The following PCDHA7 variants were observed in gnomAD, a reference collection of about 807,000 sequenced individuals.
PCDHA7 encodes protocadherin alpha-7.
Under a neutral mutation model 57.2 loss-of-function variants are expected in PCDHA7, and 37 were observed. The ratio of observed to expected loss-of-function variants is 0.65; its 90% CI spans 0.50 to 0.85. The LOEUF (loss-of-function observed/expected upper bound fraction) is 0.85, where lower values mean the gene tolerates loss of function less well. Among genes scored for constraint, PCDHA7 ranks in the 40% least tolerant of loss-of-function variants. The pLI is 0.00. For synonymous variants in PCDHA7, 553 were observed against 558.8 expected (o/e 0.99, Z 0.15); for missense variants, 1,188 against 1,241.8 (o/e 0.96, Z 0.65).
chr5:140,868,121 C>T (rs920378220), intron 1 of PCDHA7: 1 of 151,814 alleles, frequency 6.6e-6, no homozygotes, highest in Non-Finnish European at 1.5e-5. Flanking sequence ...AGTTGAAAAG[C>T]CTATTTCTGT....
chr5:140,928,172 C>T (rs782267454), intron 1 of PCDHA7: 1 of 1,614,200 alleles, frequency 6.2e-7, no homozygotes, highest in South Asian at 1.1e-5. Flanking sequence ...CCACTTAGCA[C>T]CCGAAGGACA....
At chr5:140,934,636 G>A (rs782329021) in intron 1 of PCDHA7, among the ~76,000 whole-genome samples, 17 of 151,974 alleles carry the variant, frequency 1.1e-4, no homozygotes, top group Non-Finnish European at 1.9e-4. Flanking sequence ...CACAGGAAAG[G>A]CAGGATAAAT....
intron 1 of PCDHA7, chr5:140,967,256 G>T: frequency 6.2e-7 from 1 of 1,613,524 alleles, no homozygotes; most frequent in Non-Finnish European, 8.5e-7. Flanking sequence ...GGTGGCGCCT[G>T]GAGCGCGCTT....
chr5:140,988,739 G>A (rs2097310931), intron 3 of PCDHA7, among the ~76,000 whole-genome samples: 1 of 152,096 alleles, frequency 6.6e-6, no homozygotes, highest in Non-Finnish European at 1.5e-5. Flanking sequence ...AATTATTCTA[G>A]GATTGGTGGC....
At position 140,836,158 on chromosome 5, in the gene PCDHA7, C is replaced by G; in HGVS notation, c.1775C>G (p.Ala592Gly). 6.2e-7 allele frequency: 1 copy of G among 1,613,784 alleles called. No homozygotes were observed. Among genetic ancestry groups the G allele is most frequent in the Non-Finnish European group, 8.5e-7 (1 of 1,179,788 alleles). Residue 592 changes from alanine to glycine, a missense_variant, in exon 1 of 4, where the codon GCG becomes GGG. This residue lies in a region of PCDHA7 where 892 missense variants were observed against 788.5 expected (regional missense o/e 1.13). Transcript: ENST00000525929. ...TCTGTGGGCGCGGGCCATGTGGTGG[C>G]GAAGGTACGTGCAGTTGACGCTGAC... ...PRSVGAGHVV[A>G]KVRAVDADSG...
intron 1 of PCDHA7, chr5:140,869,216 A>C: frequency 6.2e-7 from 1 of 1,613,836 alleles, no homozygotes; most frequent in South Asian, 1.1e-5. Flanking sequence ...GTCTCGGAGG[A>C]GGCCAAACAC....
Position 140,838,077 on chromosome 5 carries a change from AGTGTGTGTGTGTGTG to A in PCDHA7, c.2355+1340_2355+1354del, listed in dbSNP as rs1775482926. Among the ~76,000 whole-genome samples, 4 of 80,664 alleles carry A rather than the reference AGTGTGTGTGTGTGTG, an allele frequency of 5.0e-5. 1 individual carries two copies. Among genetic ancestry groups the A allele is most frequent in the African/African-American group, 2.5e-4 (4 of 16,244 alleles). The allele number at this position is 80,664 out of a possible 152,430, so 52.9% of individuals were successfully genotyped here. On this transcript the variant is annotated intron_variant, in intron 1 of 3. Transcript: ENST00000525929. ...TTTCCACTTTAAGTTATATATATATAGTGTGTGTGTGTGTGTGTGTGTGTGTGTGTGTGTGTGTGT... is the reference window on the plus strand; with the variant it reads ...TTTCCACTTTAAGTTATATATATATATGTGTGTGTGTGTGTGTGTGTGTGT...
intron 1 of PCDHA7, among the ~76,000 whole-genome samples, chr5:140,917,358 C>T (rs2153543502): frequency 6.7e-6 from 1 of 149,798 alleles, no homozygotes; most frequent in East Asian, 1.9e-4. Flanking sequence ...GCTTCTGTTC[C>T]ACTATCTTGC....
chr5:140,929,713 G>A (rs1328262633), intron 1 of PCDHA7: 3 of 235,294 alleles, frequency 1.3e-5, no homozygotes, highest in Non-Finnish European at 2.6e-5. Flanking sequence ...TAATATGGAA[G>A]GTGAAACATT....
chr5:140,885,430 A>T (rs1216159578), intron 1 of PCDHA7, among the ~76,000 whole-genome samples: 2 of 152,132 alleles, frequency 1.3e-5, no homozygotes, highest in African/African-American at 4.8e-5. Context: ...CCACAGTGTA[A>T]GTGTGCAATT....
At chr5:140,934,365 A>T (rs2089794268) in intron 1 of PCDHA7, among the ~76,000 whole-genome samples, 1 of 151,884 alleles carries the variant, frequency 6.6e-6, no homozygotes, top group Non-Finnish European at 1.5e-5. Context: ...CACTGCTTTG[A>T]CTCCTTCTGT....
At chr5:140,875,773 G>C in intron 1 of PCDHA7, 1 of 1,614,268 alleles carries the variant, frequency 6.2e-7, no homozygotes, top group Non-Finnish European at 8.5e-7. Context: ...GCGGAGCGCG[G>C]AGTGCAGTAT....
At chr5:140,898,712 T>C (rs1219344656) in intron 1 of PCDHA7, among the ~76,000 whole-genome samples, 2 of 152,206 alleles carry the variant, frequency 1.3e-5, no homozygotes, top group African/African-American at 4.8e-5. Flanking sequence ...AGTAGTTTTT[T>C]CCAATTCTGT....
intron 1 of PCDHA7, chr5:140,881,180 T>C: frequency 6.0e-6 from 1 of 167,460 alleles, no homozygotes; most frequent in Non-Finnish European, 1.2e-5. Context: ...TTTTCCTTGC[T>C]AAAGATATGT....
At chr5:140,876,398 A>G (rs782094508) in intron 1 of PCDHA7, 1 of 1,613,962 alleles carries the variant, frequency 6.2e-7, no homozygotes, top group Non-Finnish European at 8.5e-7. Context: ...GGTGAACTGG[A>G]TTTTGAAGAG....
At chr5:140,836,936 A>C in intron 1 of PCDHA7, 198 bp downstream of exon 1, 1 of 476,206 alleles carries the variant, frequency 2.1e-6, no homozygotes, top group Non-Finnish European at 3.6e-6. Context: ...GTAATACTAT[A>C]GATCAAAATC....
intron 1 of PCDHA7, among the ~76,000 whole-genome samples, chr5:140,879,326 T>C (rs1554170752): frequency 6.6e-6 from 1 of 152,232 alleles, no homozygotes. Flanking sequence ...CTCACTTTTT[T>C]AGTTTGTTCA....
Position 140,850,965 on chromosome 5 carries a change from G to C in PCDHA7, c.2355+14227G>C, listed in dbSNP as rs200912451. 36 of 1,464,074 alleles carry C rather than the reference G, an allele frequency of 2.5e-5. 1 individual carries two copies. In the Middle Eastern group the frequency reaches 5.9e-4, roughly 24 times the overall value. 90.7% of individuals were successfully genotyped at this position (1,464,074 alleles called of 1,614,324 possible). A position where few individuals can be genotyped will look rare whatever the true frequency, so the allele number is the denominator to read the frequency against. On this transcript the variant is annotated intron_variant, in intron 1 of 3. Transcript: ENST00000525929. Reference sequence around the variant, plus strand: ...ATATTATCGATTACTCCCAGGGGCCGTTCAAATAGTTTTATTCATTTTTCT... The same window carrying C: ...ATATTATCGATTACTCCCAGGGGCCCTTCAAATAGTTTTATTCATTTTTCT...
chr5:140,908,834 G>A (rs915665508), intron 1 of PCDHA7, among the ~76,000 whole-genome samples: 64 of 152,226 alleles, frequency 4.2e-4, no homozygotes, highest in African/African-American at 1.4e-3. Flanking sequence ...CGATAAATGG[G>A]CTGGAGTAAC....
Sources: allele counts gnomAD v4.1 joint callset (sites outside exome capture counted in the v4.1 genomes callset), GRCh38; gene constraint gnomAD v4.1.1; regional missense constraint gnomAD v4.1.1; transcripts MANE v1.5; gene names NCBI Gene and HGNC (gene_info 2026-07-23, HGNC 2026-07-21).